The following MMP26 variants were observed in gnomAD, a reference collection of about 807,000 sequenced individuals.
The protein encoded by MMP26 is matrix metalloproteinase-26.
MMP26 carries 33 observed loss-of-function variants against 31.0 expected under a neutral mutation model. That is an observed-to-expected ratio of 1.06 (90% CI 0.81 to 1.42). The LOEUF is 1.42. Ranked by LOEUF, MMP26 falls within the 40% of genes most tolerant of loss-of-function variation. The pLI, the probability that MMP26 is intolerant of heterozygous loss-of-function variation, is 0.00. For synonymous variants in MMP26, 122 were observed against 114.9 expected, an observed-to-expected ratio of 1.06 and a Z score of -0.40; for missense variants, 347 against 316.1, an observed-to-expected ratio of 1.10 and a Z score of -0.74.
intron 2 of MMP26, among the ~76,000 whole-genome samples, chr11:4,845,327 A>G (rs975039088): frequency 1.2e-4 from 18 of 152,288 alleles, no homozygotes; most frequent in Middle Eastern, 3.4e-3. Flanking sequence ...AAATGTCCAT[A>G]CCGTCCAAAG....
Position 4,991,945 on chromosome 11 carries a change from T to C in MMP26, c.596-19T>C, listed in dbSNP as rs1379644316. 2 of 1,564,662 alleles carry C rather than the reference T, an allele frequency of 1.3e-6. No homozygotes were observed. The highest frequency in any genetic ancestry group is 1.7e-6 in the Non-Finnish European group (2 of 1,161,766). ...TATGCATAGTTAATTTTATCTTTTT[T>C]TTTTCTATAATTTTTCAGGATATAA... On this transcript the variant is annotated intron_variant, in intron 6 of 7. Coordinates refer to ENST00000380390, the MANE Select transcript of MMP26 (RefSeq NM_021801.5).
intron 2 of MMP26, chr11:4,847,726 G>T (rs1329565170): frequency 6.6e-6 from 1 of 152,074 alleles, no homozygotes; most frequent in East Asian, 1.9e-4. Flanking sequence ...CCTATCTCTT[G>T]GTGTGAAGAA....
At chr11:4,770,525 A>G (rs1848702010) in intron 2 of MMP26, among the ~76,000 whole-genome samples, 1 of 152,228 alleles carries the variant, frequency 6.6e-6, no homozygotes, top group South Asian at 2.1e-4. Flanking sequence ...CACTAAAGCA[A>G]GATGAGACTG....
chr11:4,926,904 G>A (rs1198280258), intron 2 of MMP26, among the ~76,000 whole-genome samples: 1 of 152,112 alleles, frequency 6.6e-6, no homozygotes, highest in African/African-American at 2.4e-5. Context: ...ATGAGTGAAT[G>A]GATAAAAAGA....
intron 2 of MMP26, among the ~76,000 whole-genome samples, chr11:4,778,007 T>C (rs1005616194): frequency 6.6e-5 from 10 of 152,128 alleles, no homozygotes; most frequent in Admixed American, 6.5e-5. Context: ...GGTTTTTGTT[T>C]GGCTTTAGTA....
chr11:4,718,045 A>G (rs1847959111), intron 1 of MMP26, among the ~76,000 whole-genome samples: 1 of 152,196 alleles, frequency 6.6e-6, no homozygotes, highest in African/African-American at 2.4e-5. Context: ...TTAAATTTTA[A>G]TATCACGAAT....
At chr11:4,774,707 C>T (rs748135825) in intron 2 of MMP26, among the ~76,000 whole-genome samples, 9 of 152,182 alleles carry the variant, frequency 5.9e-5, no homozygotes, top group Non-Finnish European at 1.0e-4. Flanking sequence ...TTTCCTGTGC[C>T]TATGTCCTGA....
At chr11:4,918,368 A>G (rs1309155086) in intron 2 of MMP26, among the ~76,000 whole-genome samples, 1 of 152,120 alleles carries the variant, frequency 6.6e-6, no homozygotes, top group Non-Finnish European at 1.5e-5. Context: ...TTTTTTTCCT[A>G]TAAACTCAAG....
intron 2 of MMP26, among the ~76,000 whole-genome samples, chr11:4,925,575 T>C (rs1851258703): frequency 6.6e-6 from 1 of 152,006 alleles, no homozygotes; most frequent in African/African-American, 2.4e-5. Context: ...GTATGCACCG[T>C]GGGTATGGAG....
intron 2 of MMP26, chr11:4,973,923 G>T (rs536074615): frequency 6.6e-6 from 1 of 152,018 alleles, no homozygotes; most frequent in African/African-American, 2.4e-5. Context: ...CTCATAAGAG[G>T]TTTTCTGTAG....
intron 2 of MMP26, among the ~76,000 whole-genome samples, chr11:4,790,365 A>G (rs1849009475): frequency 6.6e-6 from 1 of 152,146 alleles, no homozygotes; most frequent in Admixed American, 6.5e-5. Flanking sequence ...AAACAAACAA[A>G]AAAAAGCAAT....
chr11:4,840,891 G>A (rs557108325), intron 2 of MMP26, among the ~76,000 whole-genome samples: 2 of 152,256 alleles, frequency 1.3e-5, no homozygotes, highest in South Asian at 4.1e-4. Flanking sequence ...CTGTGTTGAG[G>A]AAACTCAAAG....
At chr11:4,760,511 A>G (rs925844959) in intron 1 of MMP26, among the ~76,000 whole-genome samples, 1 of 152,208 alleles carries the variant, frequency 6.6e-6, no homozygotes, top group Admixed American at 6.5e-5. Flanking sequence ...AGATGAGAGG[A>G]TGGATATAAT....
intron 2 of MMP26, among the ~76,000 whole-genome samples, chr11:4,774,052 G>C (rs1848760493): frequency 6.6e-6 from 1 of 152,148 alleles, no homozygotes; most frequent in South Asian, 2.1e-4. Flanking sequence ...GTGGGCATTT[G>C]GGTTAACTCC....
At position 4,795,778 on chromosome 11, in the gene MMP26, T is replaced by C. The variant is rs551148487; in HGVS notation, c.-145+28437T>C. Reference sequence around the variant, plus strand: ...TTTATGCACATGAAATTAAAATAAATTGGAAAAATCAAGAAGATGGTGGGA... The same window carrying C: ...TTTATGCACATGAAATTAAAATAAACTGGAAAAATCAAGAAGATGGTGGGA... On this transcript the variant is annotated intron_variant, in intron 2 of 7. Transcript: ENST00000380390. Among the ~76,000 whole-genome samples, 7 of 149,646 alleles carry C rather than the reference T, an allele frequency of 4.7e-5. No individual in the cohort carries two copies. The South Asian group carries it at 1.1e-3, about 23-fold the overall frequency.
intron 1 of MMP26, among the ~76,000 whole-genome samples, chr11:4,757,355 T>C (rs963628293): frequency 9.2e-5 from 14 of 152,026 alleles, no homozygotes; most frequent in Admixed American, 9.2e-4. Flanking sequence ...GACCTAAATG[T>C]AAGAGCTAAA....
intron 2 of MMP26, among the ~76,000 whole-genome samples, chr11:4,928,535 C>T (rs909687527): frequency 1.3e-5 from 2 of 152,126 alleles, no homozygotes; most frequent in African/African-American, 2.4e-5. Flanking sequence ...TTTTCAGTAA[C>T]ACAATTATTT....
chr11:4,944,550 A>G (rs1159511402), intron 2 of MMP26: 1 of 152,342 alleles, frequency 6.6e-6, no homozygotes, highest in Non-Finnish European at 1.5e-5. Context: ...TTATTTTTTA[A>G]GCATTTGACA....
At chr11:4,988,357 G>A in intron 3 of MMP26, 47 bp downstream of exon 3, 2 of 1,464,292 alleles carry the variant, frequency 1.4e-6, no homozygotes, top group Admixed American at 1.7e-5. Flanking sequence ...GACCATTGTG[G>A]GCTCTTATTT....
Sources: allele counts gnomAD v4.1 joint callset (sites outside exome capture counted in the v4.1 genomes callset), GRCh38; gene constraint gnomAD v4.1.1; transcripts MANE v1.5; gene names NCBI Gene and HGNC (gene_info 2026-07-23, HGNC 2026-07-21).